Variants in PDE8B observed in about 807,000 individuals in gnomAD.
PDE8B encodes the protein high affinity cAMP-specific and IBMX-insensitive 3',5'-cyclic phosphodiesterase 8B.
In PDE8B, 26 loss-of-function variants were observed where a neutral mutation model predicts 101.3. The ratio of observed to expected loss-of-function variants is 0.26; its 90% CI spans 0.19 to 0.36. The LOEUF is 0.36. Ranked by LOEUF, PDE8B falls within the 10% of genes least tolerant of loss-of-function variation. The probability of loss-of-function intolerance (pLI) is 1.00; values close to 1 mark genes in which losing one functional copy is unlikely to be tolerated. For synonymous variants in PDE8B, 424 were observed against 429.3 expected (o/e 0.99, Z 0.15); for missense variants, 810 against 1,163.1 (o/e 0.70, Z 4.42).
chr5:77,381,500 A>G (rs1220248720), intron 10 of PDE8B, among the ~76,000 whole-genome samples: 5 of 152,188 alleles, frequency 3.3e-5, no homozygotes, highest in Admixed American at 6.5e-5. Flanking sequence ...TGATTCTGAA[A>G]TGGGTGTTGA....
intron 1 of PDE8B, among the ~76,000 whole-genome samples, chr5:77,260,581 C>CT (rs1561431905): frequency 3.6e-4 from 47 of 131,406 alleles, no homozygotes; most frequent in South Asian, 9.7e-4. Flanking sequence ...CACTGTGGCT[C>CT]ATTTTTTTTT....
At chr5:77,163,696 C>T in the PDE8B span, among the ~76,000 whole-genome samples, 3 of 152,214 alleles carry the variant, frequency 2.0e-5, no homozygotes, top group African/African-American at 7.2e-5. Context: ...CACTCTCCTT[C>T]CCCCTTTTCA....
Position 77,382,241 on chromosome 5 carries a change from C to T in PDE8B, c.1168-18007C>T, listed in dbSNP as rs570819247. ...TCTGTGTCTCCCTGTAGACATCCAG[C>T]AGCCCATCTAATTTCTGACAGATTT... On this transcript the variant is annotated intron_variant, in intron 10 of 21. Coordinates refer to ENST00000264917, the MANE Select transcript of PDE8B (RefSeq NM_003719.5). Among the ~76,000 whole-genome samples the T allele has an allele frequency of 2.0e-5, 3 of 152,128 alleles. No individual in the cohort carries two copies. In the South Asian group the frequency reaches 6.2e-4, roughly 32 times the overall value.
the PDE8B span, chr5:77,114,333 A>G: frequency 6.6e-6 from 1 of 152,198 alleles, no homozygotes; most frequent in African/African-American, 2.4e-5. Context: ...ATGCAGCCAT[A>G]AAAAAGGATG....
chr5:77,350,690 G>A (rs1453683876), intron 8 of PDE8B, among the ~76,000 whole-genome samples: 1 of 152,154 alleles, frequency 6.6e-6, no homozygotes, highest in African/African-American at 2.4e-5. Context: ...GACTCTCTGA[G>A]CCTCAGTTTA....
At chr5:77,285,780 T>TAAA (rs1358176183) in intron 1 of PDE8B, among the ~76,000 whole-genome samples, 1 of 152,176 alleles carries the variant, frequency 6.6e-6, no homozygotes, top group African/African-American at 2.4e-5. Flanking sequence ...TTTATTTTTT[T>TAAA]CAATCTTTTT....
intron 10 of PDE8B, among the ~76,000 whole-genome samples, chr5:77,395,203 G>A (rs1381254834): frequency 2.0e-5 from 3 of 151,676 alleles, no homozygotes; most frequent in South Asian, 2.1e-4. Context: ...TGCAAGCTCC[G>A]CCTCCCGGGT....
chr5:77,102,929 A>G, the PDE8B span, among the ~76,000 whole-genome samples: 2 of 152,306 alleles, frequency 1.3e-5, no homozygotes, highest in Non-Finnish European at 2.9e-5. Context: ...TCACTTGACC[A>G]CGTGGTCAGA....
the PDE8B span, among the ~76,000 whole-genome samples, chr5:77,109,942 T>G: frequency 1.6e-5 from 2 of 127,984 alleles, no homozygotes; most frequent in African/African-American, 6.0e-5. Flanking sequence ...TTTTTTTTTT[T>G]TTTTTTTTTT....
intron 2 of PDE8B, 149 bp downstream of exon 2, chr5:77,312,202 C>G (rs547767079): frequency 1.5e-6 from 1 of 663,210 alleles, no homozygotes; most frequent in African/African-American, 1.9e-5. Context: ...CTCCTGGGTT[C>G]AAGCGATTCT....
intron 6 of PDE8B, among the ~76,000 whole-genome samples, chr5:77,337,720 T>A (rs912261304): frequency 1.4e-4 from 21 of 152,368 alleles, no homozygotes; most frequent in African/African-American, 5.0e-4. Flanking sequence ...ACCATAAAAA[T>A]GGCTAAGTAA....
At chr5:77,293,086 A>G (rs1207858917) in intron 1 of PDE8B, among the ~76,000 whole-genome samples, 2 of 152,144 alleles carry the variant, frequency 1.3e-5, no homozygotes, top group Non-Finnish European at 2.9e-5. Context: ...TCTCAATATT[A>G]TTATTGAATT....
rs748072587 is a variant in PDE8B, at chr5:77,413,165, T to C, written c.1767T>C (p.Phe589=). ...KVFSRFGVCE[F]LNCSETTLRA... Reference sequence around the variant, plus strand: ...TCTCTCGGTTTGGAGTATGTGAATTTTTAAACTGTTCTGAAACCACTCTTC... The same window carrying C: ...TCTCTCGGTTTGGAGTATGTGAATTCTTAAACTGTTCTGAAACCACTCTTC... The change falls in exon 17 of 22, where the codon TTT becomes TTC. Residue 589 remains phenylalanine (F), a synonymous_variant. Coordinates refer to ENST00000264917, the MANE Select transcript of PDE8B (RefSeq NM_003719.5). 1.9e-6 allele frequency: 3 copies of C among 1,614,098 alleles called. No homozygotes were observed. Among genetic ancestry groups the C allele is most frequent in the East Asian group, 4.5e-5 (2 of 44,884 alleles).
intron 19 of PDE8B, 72 bp from the exon 20 acceptor site, chr5:77,421,749 G>C: frequency 2.1e-6 from 3 of 1,445,942 alleles, no homozygotes; most frequent in East Asian, 2.3e-5. Flanking sequence ...ACCATCGAAT[G>C]CCTGGCGAAT....
intron 10 of PDE8B, among the ~76,000 whole-genome samples, chr5:77,388,397 G>A (rs1789186007): frequency 6.6e-6 from 1 of 152,178 alleles, no homozygotes; most frequent in Admixed American, 6.5e-5. Flanking sequence ...TATCACCAGT[G>A]GAGGCTGCAG....
the PDE8B span, among the ~76,000 whole-genome samples, chr5:77,121,831 C>T: frequency 6.6e-6 from 1 of 152,120 alleles, no homozygotes; most frequent in Non-Finnish European, 1.5e-5. Context: ...AAGGAAGGAA[C>T]ATCAAAGAAG....
At chr5:77,119,092 G>C in the PDE8B span, 3 of 152,086 alleles carry the variant, frequency 2.0e-5, no homozygotes, top group African/African-American at 7.2e-5. Context: ...AGTGTTACTA[G>C]TCACCAGAAT....
At chr5:77,377,372 TTAAACA>T (rs1339601781) in intron 10 of PDE8B, among the ~76,000 whole-genome samples, 1 of 152,126 alleles carries the variant, frequency 6.6e-6, no homozygotes, top group Non-Finnish European at 1.5e-5. Context: ...TGGGAGCTTG[TTAAACA>T]TGCAGATTCG....
chr5:77,330,694 G>T (rs985536334), intron 4 of PDE8B, among the ~76,000 whole-genome samples: 4 of 152,006 alleles, frequency 2.6e-5, no homozygotes, highest in Non-Finnish European at 4.4e-5. Flanking sequence ...TGGTTCTTAG[G>T]ATATGTCCCC....
Sources: gnomAD v4.1 joint callset for allele counts (sites outside exome capture counted in the v4.1 genomes callset) on GRCh38, gnomAD v4.1.1 for gene constraint, MANE v1.5 for transcripts, NCBI Gene and HGNC (gene_info 2026-07-23, HGNC 2026-07-21) for gene names.